Variants in KCNK9 observed in about 807,000 individuals in gnomAD.
KCNK9 encodes the protein potassium channel subfamily K member 9.
In KCNK9, 1 loss-of-function variant was observed where a neutral mutation model predicts 10.8. That is an observed-to-expected ratio of 0.09 (90% CI 0.03 to 0.44). KCNK9 has a LOEUF of 0.44. KCNK9 is among the 20% of genes least tolerant of loss of function. The probability of loss-of-function intolerance (pLI) is 0.97; values close to 1 mark genes in which losing one functional copy is unlikely to be tolerated. For synonymous variants in KCNK9, 231 were observed against 222.7 expected (o/e 1.04, Z -0.33); for missense variants, 303 against 515.0 (o/e 0.59, Z 3.98).
At chr8:139,689,666 G>A (rs1310974792) in intron 1 of KCNK9, among the ~76,000 whole-genome samples, 2 of 138,238 alleles carry the variant, frequency 1.4e-5, no homozygotes, top group South Asian at 2.3e-4. Context: ...TTTTTGAGAC[G>A]GAGTCTCACT....
intron 1 of KCNK9, among the ~76,000 whole-genome samples, chr8:139,630,767 G>C (rs971465721): frequency 1.3e-5 from 2 of 152,248 alleles, no homozygotes; most frequent in African/African-American, 4.8e-5. Context: ...GCAGGAGGCC[G>C]ACAGCAGGGT....
chr8:139,687,534 G>A (rs1816832570), intron 1 of KCNK9, among the ~76,000 whole-genome samples: 6 of 123,724 alleles, frequency 4.8e-5, no homozygotes, highest in African/African-American at 1.9e-4. Context: ...TCATATATAT[G>A]TATACACATA....
At chr8:139,673,861 CT>C (rs1343776780) in intron 1 of KCNK9, among the ~76,000 whole-genome samples, 1 of 152,154 alleles carries the variant, frequency 6.6e-6, no homozygotes, top group Non-Finnish European at 1.5e-5. Flanking sequence ...AGCATCCCAC[CT>C]GCTCCCTGGC....
intron 1 of KCNK9, among the ~76,000 whole-genome samples, chr8:139,664,861 G>A (rs946617823): frequency 3.9e-5 from 6 of 152,130 alleles, no homozygotes; most frequent in Admixed American, 2.0e-4. Context: ...CCTGGAGCAC[G>A]GGCTGGGTGG....
intron 1 of KCNK9, among the ~76,000 whole-genome samples, chr8:139,661,907 A>G (rs765653612): frequency 2.6e-5 from 4 of 152,238 alleles, no homozygotes; most frequent in Admixed American, 1.3e-4. Flanking sequence ...TGTGAGGGCC[A>G]GCCTCCTGTT....
At chr8:139,616,432 C>T (rs987433945), downstream of KCNK9, 12 of 152,194 alleles carry the variant, frequency 7.9e-5, no homozygotes, top group African/African-American at 1.9e-4. Context: ...ATCTGAGGTT[C>T]GCAGACTCCT....
intron 1 of KCNK9, among the ~76,000 whole-genome samples, chr8:139,648,528 T>C (rs901418113): frequency 6.6e-6 from 1 of 152,184 alleles, no homozygotes; most frequent in Non-Finnish European, 1.5e-5. Flanking sequence ...CTCCTGTCCC[T>C]CTGGACTGAG....
chr8:139,627,603 G>A (rs369518348), intron 1 of KCNK9, among the ~76,000 whole-genome samples: 13 of 152,182 alleles, frequency 8.5e-5, no homozygotes, highest in African/African-American at 1.4e-4. Flanking sequence ...TGTCCTACCC[G>A]GAGTGAGCCC....
intron 1 of KCNK9, among the ~76,000 whole-genome samples, chr8:139,698,794 G>A (rs960722461): frequency 6.6e-6 from 1 of 152,218 alleles, no homozygotes; most frequent in Non-Finnish European, 1.5e-5. Context: ...GGAAAATGCT[G>A]TCTGTTTCAC....
intron 1 of KCNK9, among the ~76,000 whole-genome samples, chr8:139,620,591 T>C (rs1333392632): frequency 1.3e-5 from 2 of 152,096 alleles, no homozygotes. Flanking sequence ...TGTGGCTCAG[T>C]CTGTCTGTCT....
At position 139,703,077 on chromosome 8, in the gene KCNK9, G is replaced by GCCGCCTCCTCCT. The variant is rs1406167904; in HGVS notation, c.-97_-86dup. ...CCCACTGCAGCGCCCGGCGGCCGCC[G>GCCGCCTCCTCCT]CCGCCTCCTCCTCCGCCGCCGCCGC... On this transcript the variant is annotated 5_prime_UTR_variant, in exon 1 of 2. Transcript: ENST00000520439. This position sits in a 1 kb window ranked among gnomAD's most constrained non-coding sequence, Gnocchi z 6.4. The GCCGCCTCCTCCT allele has an allele frequency of 3.3e-5, 41 of 1,226,668 alleles. 1 individual carries two copies. Among genetic ancestry groups the GCCGCCTCCTCCT allele is most frequent in the Non-Finnish European group, 2.6e-5 (25 of 972,330 alleles). 76.0% of individuals were successfully genotyped at this position (1,226,668 alleles called of 1,614,324 possible).
At chr8:139,629,713 G>A (rs927421761) in intron 1 of KCNK9, among the ~76,000 whole-genome samples, 10 of 152,106 alleles carry the variant, frequency 6.6e-5, no homozygotes, top group African/African-American at 1.7e-4. Context: ...GGGGCTCTCC[G>A]GGGCTTTGAG....
chr8:139,687,157 AAC>A (rs1161592167), intron 1 of KCNK9, among the ~76,000 whole-genome samples: 1 of 151,926 alleles, frequency 6.6e-6, no homozygotes, highest in Non-Finnish European at 1.5e-5. Context: ...AGCCAAAGAA[AAC>A]ACATGTGCAT....
At chr8:139,670,733 A>G (rs1384827181) in intron 1 of KCNK9, among the ~76,000 whole-genome samples, 1 of 152,230 alleles carries the variant, frequency 6.6e-6, no homozygotes, top group Non-Finnish European at 1.5e-5. Flanking sequence ...AGGAGATCAG[A>G]TCTTTTTTAA....
intron 1 of KCNK9, among the ~76,000 whole-genome samples, chr8:139,642,149 A>G (rs1439826878): frequency 6.6e-6 from 1 of 152,210 alleles, no homozygotes; most frequent in East Asian, 1.9e-4. Context: ...CCACTCCTAT[A>G]ATCCCAAGTT....
Position 139,656,129 on chromosome 8 carries a change from G to A in KCNK9, c.284-37030C>T, listed in dbSNP as rs1230505902. Among the ~76,000 whole-genome samples, 3 of 152,354 alleles carry A rather than the reference G, an allele frequency of 2.0e-5. No homozygotes were observed. In the East Asian group the frequency reaches 5.8e-4, roughly 29 times the overall value. The stretch of plus-strand genomic sequence containing the variant: ...CAGCAAAGGAGGTATGTATGAGCCA[G>A]GTTGGGGTACAGGCTGATGCCCCCA... On this transcript the variant is annotated intron_variant, in intron 1 of 1. Coordinates refer to ENST00000520439, the MANE Select transcript of KCNK9 (RefSeq NM_001282534.2).
chr8:139,619,135 G>T (rs201419256), intron 1 of KCNK9, 36 bp from the exon 2 acceptor site: 4 of 1,611,586 alleles, frequency 2.5e-6, no homozygotes, highest in Non-Finnish European at 3.4e-6. Flanking sequence ...GAGAGAGCAA[G>T]TGAGGAGGGG....
At chr8:139,620,013 CT>C (rs1164296455) in intron 1 of KCNK9, among the ~76,000 whole-genome samples, 1 of 152,192 alleles carries the variant, frequency 6.6e-6, no homozygotes, top group Non-Finnish European at 1.5e-5. Flanking sequence ...TGCGTGGTTG[CT>C]GCAGGGAATC....
At chr8:139,653,710 G>C (rs1007085880) in intron 1 of KCNK9, among the ~76,000 whole-genome samples, 1 of 152,168 alleles carries the variant, frequency 6.6e-6, no homozygotes, top group East Asian at 1.9e-4. Flanking sequence ...ACAACACAAG[G>C]GAAAGTGCTT....
Sources: gnomAD v4.1 joint callset for allele counts (sites outside exome capture counted in the v4.1 genomes callset) on GRCh38, gnomAD v4.1.1 for gene constraint, Gnocchi (gnomAD v3.1) non-coding constraint, MANE v1.5 for transcripts, NCBI Gene and HGNC (gene_info 2026-07-23, HGNC 2026-07-21) for gene names.